The following ANK1 variants were observed in gnomAD, a reference collection of about 807,000 sequenced individuals.
ANK1 encodes ankyrin-1.
ANK1 carries 51 observed loss-of-function variants against 210.4 expected under a neutral mutation model. The ratio of observed to expected loss-of-function variants is 0.24; its 90% CI spans 0.19 to 0.31. The LOEUF is 0.31. Ranked by LOEUF, ANK1 falls within the 10% of genes least tolerant of loss-of-function variation. The probability of loss-of-function intolerance (pLI) is 1.00; values close to 1 mark genes in which losing one functional copy is unlikely to be tolerated. For missense variants in ANK1, 2,051 were observed against 2,504.4 expected, an observed-to-expected ratio of 0.82 and a Z score of 3.86; for synonymous variants, 967 against 1,025.9, an observed-to-expected ratio of 0.94 and a Z score of 1.10.
intron 40 of ANK1, among the ~76,000 whole-genome samples, chr8:41,663,160 AT>A (rs1459271162): frequency 6.7e-6 from 1 of 148,450 alleles, no homozygotes; most frequent in Non-Finnish European, 1.5e-5. Context: ...ATTTTTTAAA[AT>A]TTTTTTTAGA....
intron 1 of ANK1, among the ~76,000 whole-genome samples, chr8:41,783,971 C>A (rs1412742920): frequency 6.6e-6 from 1 of 151,804 alleles, no homozygotes; most frequent in Non-Finnish European, 1.5e-5. Context: ...ATCACTTGAG[C>A]CCAGGAGGTC....
At position 41,690,689 on chromosome 8, in the gene ANK1, C is replaced by T. The variant is rs6987255; in HGVS notation, c.3859-90G>A. ...ACCTTCGGTCCTTCCCTCTCCAAGACACACCCTGCCTCAGCAAGAGGCATG... is the reference window on the plus strand; with the variant it reads ...ACCTTCGGTCCTTCCCTCTCCAAGATACACCCTGCCTCAGCAAGAGGCATG... On this transcript the variant is annotated intron_variant, in intron 31 of 42. Coordinates refer to ENST00000289734, the MANE Select transcript of ANK1 (RefSeq NM_000037.4). The T allele has an allele frequency of 0.077, 117,874 of 1,538,714 alleles. 11,028 individuals carry two copies. The highest frequency in any genetic ancestry group is 0.48 in the African/African-American group (34,981 of 73,376).
At chr8:41,803,080 G>GGAAGGAAAGGAAAGGAAAGGA (rs1554631046) in intron 1 of ANK1, among the ~76,000 whole-genome samples, 6 of 46,216 alleles carry the variant, frequency 1.3e-4, no homozygotes, top group African/African-American at 3.7e-4. Flanking sequence ...AGGAAGGAAG[G>GGAAGGAAAGGAAAGGAAAGGA]AAGGGAAGGA....
chr8:41,803,009 GAAAGAAA>G (rs1237857774), intron 1 of ANK1, among the ~76,000 whole-genome samples: 2 of 82,810 alleles, frequency 2.4e-5, no homozygotes, highest in African/African-American at 5.3e-5. Context: ...AAGAAAGAAA[GAAAGAAA>G]GAAAGAAAGA....
intron 1 of ANK1, chr8:41,803,472 T>C (rs1850485359): frequency 6.6e-6 from 1 of 152,220 alleles, no homozygotes; most frequent in Admixed American, 6.5e-5. Flanking sequence ...CATGATTCTC[T>C]TTGATTTTTC....
chr8:41,832,843 G>C (rs557878143), intron 1 of ANK1, among the ~76,000 whole-genome samples: 4 of 152,294 alleles, frequency 2.6e-5, no homozygotes, highest in Admixed American at 2.6e-4. Context: ...CCACCCACAG[G>C]GGCATGCCTA....
chr8:41,823,349 C>T (rs1384161894), intron 1 of ANK1, among the ~76,000 whole-genome samples: 1 of 152,182 alleles, frequency 6.6e-6, no homozygotes, highest in Non-Finnish European at 1.5e-5. Context: ...CATATTTACT[C>T]AACTTTCCAC....
chr8:41,671,872 G>A (rs1446750495), intron 38 of ANK1, among the ~76,000 whole-genome samples: 5 of 121,968 alleles, frequency 4.1e-5, no homozygotes, highest in South Asian at 2.8e-4. Context: ...CCCTCCCAGC[G>A]CCCCGATGTC....
chr8:41,653,303 G>A lies in ANK1; in HGVS notation c.*2487C>T, dbSNP rs1011124037. On this transcript the variant is annotated 3_prime_UTR_variant, in exon 43 of 43. Transcript: ENST00000289734. ...AGAATGGTCTATACATCAGAGTAGG[G>A]TAGGGGATTCTCTCCCATAACAGAG... 26 of 152,642 alleles carry A rather than the reference G, an allele frequency of 1.7e-4. 1 individual carries two copies. The highest frequency in any genetic ancestry group is 6.0e-4 in the African/African-American group (25 of 41,432). The allele number at this position is 152,642 out of a possible 1,614,324, so 9.5% of individuals were successfully genotyped here.
intron 20 of ANK1, among the ~76,000 whole-genome samples, chr8:41,703,441 TATATATA>T (rs1379541876): frequency 9.5e-5 from 7 of 73,528 alleles, no homozygotes; most frequent in South Asian, 6.5e-4. Flanking sequence ...TATATATATA[TATATATA>T]TATTTTTTTT....
At chr8:41,657,277 G>C (rs1237650820) in intron 42 of ANK1, among the ~76,000 whole-genome samples, 1 of 152,156 alleles carries the variant, frequency 6.6e-6, no homozygotes, top group Non-Finnish European at 1.5e-5. Context: ...CAGACCACCC[G>C]GGTTCAAGTC....
Position 41,728,680 on chromosome 8 carries a change from C to A in ANK1, c.229-674G>T, listed in dbSNP as rs201385149. Among the ~76,000 whole-genome samples, 249 of 152,248 alleles carry A rather than the reference C, an allele frequency of 1.6e-3. 2 individuals are homozygous for A. The highest frequency in any genetic ancestry group is 5.8e-3 in the African/African-American group (241 of 41,540). On this transcript the variant is annotated intron_variant, in intron 3 of 42. Transcript: ENST00000289734. ...GGAGAGTGCGGCCATGTCAAAGGAA[C>A]TCCTTTTTTTCTATTATGTATCCAT... is the stretch of plus-strand genomic sequence containing the variant.
intron 39 of ANK1, among the ~76,000 whole-genome samples, chr8:41,666,202 G>A (rs375665807): frequency 2.6e-5 from 4 of 152,080 alleles, no homozygotes; most frequent in East Asian, 1.9e-4. Context: ...CAATCATGCC[G>A]CTTATGAATG....
intron 17 of ANK1, 146 bp from the exon 18 acceptor site, chr8:41,706,387 C>T: frequency 1.3e-6 from 1 of 778,614 alleles, no homozygotes; most frequent in Non-Finnish European, 2.1e-6. Flanking sequence ...CTGTTCTGGG[C>T]CCCAATGTCC....
rs760658999 is a variant in ANK1, at chr8:41,690,615, A to T, written c.3859-16T>A. ...CTTCCAACACCTGCAGGAGAGGAAA[A>T]GCAGATACAGCTTGTCAGGGAGAGA... On this transcript the variant is annotated splice_polypyrimidine_tract_variant and intron_variant, in intron 31 of 42. Transcript: ENST00000289734. 2.5e-5 allele frequency: 40 copies of T among 1,609,684 alleles called. No individual in the cohort carries two copies. Among genetic ancestry groups the T allele is most frequent in the Non-Finnish European group, 2.4e-5 (28 of 1,179,874 alleles).
chr8:41,843,111 G>T (rs1265010460), intron 1 of ANK1, among the ~76,000 whole-genome samples: 2 of 152,198 alleles, frequency 1.3e-5, no homozygotes, highest in Non-Finnish European at 2.9e-5. Context: ...GCTTCCCAAA[G>T]TGCTGGGATT....
rs28549151 is a variant in ANK1, at chr8:41,836,067, G to A, written c.126+60288C>T. On this transcript the variant is annotated intron_variant, in intron 1 of 42. Coordinates refer to the ANK1 transcript ENST00000265709. ...CCAGCACAGATGTTCAGGTCGGGGT[G>A]GCGATGCTTCCCCTGGAACTCTCAG... 4.7e-3 allele frequency among the ~76,000 whole-genome samples: 715 copies of A among 152,306 alleles called. 4 individuals are homozygous for A. The highest frequency in any genetic ancestry group is 0.016 in the African/African-American group (657 of 41,580).
chr8:41,877,111 T>C (rs962161297), intron 1 of ANK1, among the ~76,000 whole-genome samples: 1 of 152,142 alleles, frequency 6.6e-6, no homozygotes, highest in Non-Finnish European at 1.5e-5. Context: ...CTGGGCCACA[T>C]AGTGAGACCC....
At chr8:41,749,332 C>G (rs1199932496) in intron 2 of ANK1, among the ~76,000 whole-genome samples, 2 of 125,586 alleles carry the variant, frequency 1.6e-5, no homozygotes, top group Non-Finnish European at 3.2e-5. Flanking sequence ...GAGTCTTGCT[C>G]TGTTGCCCAG....
Sources: allele counts gnomAD v4.1 joint callset (sites outside exome capture counted in the v4.1 genomes callset), GRCh38; gene constraint gnomAD v4.1.1; transcripts MANE v1.5; gene names NCBI Gene and HGNC (gene_info 2026-07-23, HGNC 2026-07-21).